The following RYR3 variants were observed in gnomAD, a reference collection of about 807,000 sequenced individuals.
RYR3 encodes ryanodine receptor 3, also known as brain ryanodine receptor-calcium release channel.
In RYR3, 207 loss-of-function variants were observed where a neutral mutation model predicts 584.3. That is an observed-to-expected ratio of 0.35 (90% CI 0.32 to 0.40). RYR3 has a LOEUF of 0.40. RYR3 is among the 10% of genes least tolerant of loss of function. The pLI, the probability that RYR3 is intolerant of heterozygous loss-of-function variation, is 1.00. For missense variants in RYR3, 5,616 were observed against 6,089.2 expected (o/e 0.92, Z 2.59); for synonymous variants, 2,416 against 2,248.5 (o/e 1.07, Z -2.11).
chr15:33,493,092 C>T (rs967644620), intron 2 of RYR3, among the ~76,000 whole-genome samples: 1 of 152,124 alleles, frequency 6.6e-6, no homozygotes, highest in African/African-American at 2.4e-5. Context: ...AAATTTGAGA[C>T]AAAAACCTGA....
At chr15:33,654,420 G>A (rs1264434169) in intron 32 of RYR3, among the ~76,000 whole-genome samples, 3 of 151,718 alleles carry the variant, frequency 2.0e-5, no homozygotes, top group East Asian at 1.9e-4. Context: ...GAGGCTAAGA[G>A]ACTCACTTGA....
intron 60 of RYR3, among the ~76,000 whole-genome samples, chr15:33,758,912 A>C (rs2072147553): frequency 6.6e-6 from 1 of 152,208 alleles, no homozygotes; most frequent in East Asian, 1.9e-4. Context: ...GGCATCTGTC[A>C]GGTTCCCCTC....
At chr15:33,774,009 A>G (rs1303751255) in intron 64 of RYR3, among the ~76,000 whole-genome samples, 1 of 152,212 alleles carries the variant, frequency 6.6e-6, no homozygotes, top group Non-Finnish European at 1.5e-5. Context: ...TTAGTGTTTA[A>G]TGAGTTTCTG....
chr15:33,509,312 C>T (rs1164334843), intron 3 of RYR3, among the ~76,000 whole-genome samples: 1 of 152,202 alleles, frequency 6.6e-6, no homozygotes, highest in Admixed American at 6.5e-5. Flanking sequence ...ATCCTTACTT[C>T]TTTCTTCCTG....
chr15:33,657,527 C>G (rs2062889903), intron 32 of RYR3, among the ~76,000 whole-genome samples: 1 of 152,198 alleles, frequency 6.6e-6, no homozygotes, highest in African/African-American at 2.4e-5. Context: ...GGAGCCAGCC[C>G]AGGGACGACT....
At chr15:33,569,777 T>C (rs2057923004) in intron 12 of RYR3, among the ~76,000 whole-genome samples, 1 of 152,162 alleles carries the variant, frequency 6.6e-6, no homozygotes, top group Non-Finnish European at 1.5e-5. Flanking sequence ...TTTTTGATTG[T>C]AGCCATACTA....
At chr15:33,646,738 T>C (rs2062125765) in intron 29 of RYR3, among the ~76,000 whole-genome samples, 2 of 152,252 alleles carry the variant, frequency 1.3e-5, no homozygotes, top group Non-Finnish European at 1.5e-5. Context: ...GCACCAATCA[T>C]GCTAAACAGA....
At chr15:33,793,290 C>A (rs1055544186) in intron 67 of RYR3, among the ~76,000 whole-genome samples, 1 of 152,152 alleles carries the variant, frequency 6.6e-6, no homozygotes, top group African/African-American at 2.4e-5. Context: ...AGGCTCCCTG[C>A]ATCTCATACG....
chr15:33,752,230 T>C (rs1417132460), intron 57 of RYR3, among the ~76,000 whole-genome samples: 1 of 152,330 alleles, frequency 6.6e-6, no homozygotes. Context: ...TTTTGTTCCA[T>C]ATGAAATTTA....
chr15:33,655,525 G>T (rs1160107341), intron 32 of RYR3, among the ~76,000 whole-genome samples: 1 of 152,178 alleles, frequency 6.6e-6, no homozygotes, highest in Non-Finnish European at 1.5e-5. Flanking sequence ...GACAGCTTTA[G>T]CCCACCTTTC....
At chr15:33,579,505 T>C (rs2058484715) in intron 12 of RYR3, among the ~76,000 whole-genome samples, 1 of 152,094 alleles carries the variant, frequency 6.6e-6, no homozygotes, top group South Asian at 2.1e-4. Context: ...GAAGTTTATT[T>C]TTTCTAAATG....
intron 5 of RYR3, 189 bp from the exon 6 acceptor site, chr15:33,539,161 A>G (rs2055587501): frequency 4.3e-6 from 2 of 460,328 alleles, no homozygotes; most frequent in Admixed American, 3.6e-5. Flanking sequence ...GAAAATGAAA[A>G]TGACAGACAT....
At chr15:33,702,286 C>A (rs373471893) in intron 42 of RYR3, among the ~76,000 whole-genome samples, 2 of 152,162 alleles carry the variant, frequency 1.3e-5, no homozygotes, top group African/African-American at 4.8e-5. Context: ...CAACACGATA[C>A]AATTCATATT....
At chr15:33,500,152 A>C (rs755000492) in intron 2 of RYR3, among the ~76,000 whole-genome samples, 58 of 152,252 alleles carry the variant, frequency 3.8e-4, no homozygotes, top group African/African-American at 6.8e-4. Flanking sequence ...AGGGACCCAC[A>C]GTCTGGTGAA....
At chr15:33,643,974 G>C (rs1016961709) in intron 27 of RYR3, among the ~76,000 whole-genome samples, 3 of 152,166 alleles carry the variant, frequency 2.0e-5, no homozygotes, top group Admixed American at 2.0e-4. Context: ...TTTTAACTAA[G>C]GGACAGATAA....
chr15:33,353,405 G>C (rs1311702799), intron 1 of RYR3, among the ~76,000 whole-genome samples: 4 of 152,164 alleles, frequency 2.6e-5, no homozygotes, highest in Admixed American at 2.6e-4. Context: ...AATAGGCAAA[G>C]CTACAAAATA....
intron 46 of RYR3, among the ~76,000 whole-genome samples, chr15:33,727,094 C>G (rs994611104): frequency 1.3e-5 from 2 of 152,224 alleles, no homozygotes; most frequent in Non-Finnish European, 2.9e-5. Context: ...TCGTTTTCCC[C>G]TGGGTCCCCC....
intron 67 of RYR3, among the ~76,000 whole-genome samples, chr15:33,797,723 A>T (rs1416583106): frequency 6.6e-6 from 1 of 152,018 alleles, no homozygotes; most frequent in Non-Finnish European, 1.5e-5. Flanking sequence ...CTTGCTACTC[A>T]CAGTCCCTGT....
At chr15:33,649,650 T>C (rs975944216) in intron 31 of RYR3, among the ~76,000 whole-genome samples, 1 of 152,148 alleles carries the variant, frequency 6.6e-6, no homozygotes, top group African/African-American at 2.4e-5. Context: ...TCAGAACTCC[T>C]CCTCCCAAGA....
Sources: gnomAD v4.1 joint callset for allele counts (sites outside exome capture counted in the v4.1 genomes callset) on GRCh38, gnomAD v4.1.1 for gene constraint, MANE v1.5 for transcripts, NCBI Gene and HGNC (gene_info 2026-07-23, HGNC 2026-07-21) for gene names.